KAZN: variants seen among roughly 807,000 people sequenced by gnomAD.
KAZN encodes kazrin, periplakin interacting protein.
Under a neutral mutation model 87.4 loss-of-function variants are expected in KAZN, and 40 were observed. The observed-to-expected ratio is 0.46, with a 90% CI of 0.36 to 0.60. KAZN has a LOEUF of 0.60. Ranked by LOEUF, KAZN falls within the 20% of genes least tolerant of loss-of-function variation. The pLI is 0.00. For missense variants in KAZN, 898 were observed against 1,073.9 expected, an observed-to-expected ratio of 0.84 and a Z score of 2.29; for synonymous variants, 466 against 458.3, an observed-to-expected ratio of 1.02 and a Z score of -0.22.
intron 1 of KAZN, among the ~76,000 whole-genome samples, chr1:14,813,959 C>T (rs999184577): frequency 4.6e-5 from 7 of 152,178 alleles, no homozygotes; most frequent in East Asian, 1.9e-4. Context: ...TGTTCTGTCC[C>T]GCTGGGATGA....
intron 1 of KAZN, among the ~76,000 whole-genome samples, chr1:14,800,086 A>G (rs1163324376): frequency 1.3e-5 from 2 of 152,138 alleles, no homozygotes. Flanking sequence ...CAGGTCCATG[A>G]TGAGCCAGAT....
intron 1 of KAZN, among the ~76,000 whole-genome samples, chr1:14,688,894 G>A (rs1186609526): frequency 2.0e-5 from 3 of 152,168 alleles, no homozygotes; most frequent in African/African-American, 7.2e-5. Flanking sequence ...AAAAATGCCA[G>A]TAAGAGTTGA....
intron 4 of KAZN, among the ~76,000 whole-genome samples, chr1:15,052,019 A>C (rs1674457898): frequency 6.6e-6 from 1 of 152,178 alleles, no homozygotes; most frequent in African/African-American, 2.4e-5. Flanking sequence ...AGGCTCAGAG[A>C]GGAGAAGAGA....
At chr1:15,112,587 A>G in intron 14 of KAZN, 46 bp downstream of exon 14, 1 of 1,293,608 alleles carries the variant, frequency 7.7e-7, no homozygotes, top group South Asian at 1.3e-5. Flanking sequence ...AGACCCGGGA[A>G]AGGTCTTTTT....
At chr1:14,910,383 T>G (rs1316553505) in intron 1 of KAZN, among the ~76,000 whole-genome samples, 1 of 152,180 alleles carries the variant, frequency 6.6e-6, no homozygotes, top group Non-Finnish European at 1.5e-5. Flanking sequence ...CTGGGGCCCT[T>G]GGTGTCTCTT....
At chr1:14,303,719 C>T (rs1435996793) in intron 2 of KAZN, among the ~76,000 whole-genome samples, 1 of 152,200 alleles carries the variant, frequency 6.6e-6, no homozygotes, top group Non-Finnish European at 1.5e-5. Flanking sequence ...TATCCAAACT[C>T]TGTCCATCCT....
intron 1 of KAZN, among the ~76,000 whole-genome samples, chr1:14,838,766 C>A (rs959420393): frequency 6.6e-6 from 1 of 152,108 alleles, no homozygotes; most frequent in Admixed American, 6.6e-5. Context: ...GAATTACAGG[C>A]GCTTGCCACC....
chr1:13,993,873 T>G (rs1639393597), intron 1 of KAZN, among the ~76,000 whole-genome samples: 1 of 152,230 alleles, frequency 6.6e-6, no homozygotes, highest in Admixed American at 6.5e-5. Flanking sequence ...CAAATGACTT[T>G]TTAAAAATGG....
At chr1:14,268,341 C>T (rs1651657046) in intron 2 of KAZN, among the ~76,000 whole-genome samples, 1 of 152,078 alleles carries the variant, frequency 6.6e-6, no homozygotes, top group Admixed American at 6.5e-5. Flanking sequence ...GACTCATATC[C>T]TCAGATGAAT....
intron 2 of KAZN, among the ~76,000 whole-genome samples, chr1:14,299,125 CA>C (rs572618449): frequency 2.7e-4 from 41 of 152,298 alleles, no homozygotes; most frequent in Middle Eastern, 3.4e-3. Flanking sequence ...TTCTGGGATA[CA>C]GCAGGGAAAA....
intron 1 of KAZN, among the ~76,000 whole-genome samples, chr1:13,916,820 G>T (rs555975988): frequency 1.3e-3 from 197 of 152,188 alleles, no homozygotes; most frequent in African/African-American, 4.6e-3. Context: ...AGGCAATGTG[G>T]CCTTGCTGGG....
chr1:14,242,013 GC>G (rs1210315874), intron 2 of KAZN, among the ~76,000 whole-genome samples: 3 of 152,092 alleles, frequency 2.0e-5, no homozygotes, highest in Non-Finnish European at 4.4e-5. Flanking sequence ...CAAAGCATTT[GC>G]CTAATTGGAC....
intron 1 of KAZN, among the ~76,000 whole-genome samples, chr1:13,949,027 A>G (rs142206595): frequency 1.8e-4 from 27 of 152,290 alleles, no homozygotes; most frequent in Non-Finnish European, 3.5e-4. Context: ...TCTGTGTTCA[A>G]TAAATACGCT....
At chr1:14,195,511 TCACACACACA>T (rs55792359) in intron 2 of KAZN, among the ~76,000 whole-genome samples, 23,490 of 146,132 alleles carry the variant, frequency 0.16, 2,586 homozygotes, top group African/African-American at 0.31. Context: ...CAAAAACGGC[TCACACACACA>T]CACACACACA....
chr1:14,085,846 G>A (rs1643837558), intron 1 of KAZN, among the ~76,000 whole-genome samples: 1 of 152,086 alleles, frequency 6.6e-6, no homozygotes, highest in Non-Finnish European at 1.5e-5. Context: ...GTTTTCCAGA[G>A]TGACTAACAT....
intron 1 of KAZN, among the ~76,000 whole-genome samples, chr1:14,860,207 C>T (rs1170659521): frequency 6.6e-6 from 1 of 151,170 alleles, no homozygotes; most frequent in South Asian, 2.1e-4. Flanking sequence ...CTTTCTCTTT[C>T]TTTCAACAGG....
chr1:15,056,328 C>T lies in KAZN; in HGVS notation c.916+48C>T. On this transcript the variant is annotated intron_variant, in intron 5 of 14. Transcript: ENST00000376030. The surrounding 1 kb of genome is among the most constrained non-coding windows in gnomAD (Gnocchi z 5.4). ...TCCACCACGGCTTCGAGGGGCTTCA[C>T]AGGAGGCCATCTGACCCAGTGGGAG... 2 of 1,535,168 alleles carry T rather than the reference C, an allele frequency of 1.3e-6. No individual in the cohort carries two copies. The highest frequency in any genetic ancestry group is 2.4e-5 in the East Asian group (1 of 41,892).
At chr1:14,434,876 G>T (rs1277976778) in intron 2 of KAZN, among the ~76,000 whole-genome samples, 2 of 152,058 alleles carry the variant, frequency 1.3e-5, no homozygotes, top group African/African-American at 4.8e-5. Flanking sequence ...GTTAGTAAAA[G>T]GCACATCCTG....
At chr1:14,509,585 CAA>C (rs1220560478) in intron 2 of KAZN, among the ~76,000 whole-genome samples, 4 of 152,186 alleles carry the variant, frequency 2.6e-5, no homozygotes, top group African/African-American at 9.7e-5. Context: ...ATTCTAAGAG[CAA>C]AGAGACACAC....
Sources: gnomAD v4.1 joint callset for allele counts (sites outside exome capture counted in the v4.1 genomes callset) on GRCh38, gnomAD v4.1.1 for gene constraint, Gnocchi (gnomAD v3.1) non-coding constraint, MANE v1.5 for transcripts, NCBI Gene and HGNC (gene_info 2026-07-23, HGNC 2026-07-21) for gene names.